PCDH15: variants seen among roughly 807,000 people sequenced by gnomAD.
PCDH15 encodes the protein protocadherin-15.
In PCDH15, 129 loss-of-function variants were observed where a neutral mutation model predicts 178.5. The observed-to-expected ratio is 0.72, with a 90% CI of 0.63 to 0.84. The LOEUF is 0.84. PCDH15 is among the 40% of genes least tolerant of loss of function. The probability of loss-of-function intolerance (pLI) is 0.00; values close to 1 mark genes in which losing one functional copy is unlikely to be tolerated. For synonymous variants in PCDH15, 800 were observed against 732.0 expected (o/e 1.09, Z -1.50); for missense variants, 2,230 against 2,099.9 (o/e 1.06, Z -1.21).
At position 54,775,029 on chromosome 10, in the gene PCDH15, T is replaced by A. The variant is rs12218169; in HGVS notation, c.-29+25896A>T. Among the ~76,000 whole-genome samples the A allele has an allele frequency of 4.6e-3, 707 of 152,298 alleles. 16 individuals are homozygous for A. The East Asian group carries it at 0.055, about 12-fold the overall frequency. ...AGACAATTAGACTGTTTTATATCAATGTATTATTAAACTTGATTGCACTTA... is the reference window on the plus strand; with the variant it reads ...AGACAATTAGACTGTTTTATATCAAAGTATTATTAAACTTGATTGCACTTA... On this transcript the variant is annotated intron_variant, in intron 1 of 37. Transcript: ENST00000644397.
chr10:54,502,203 A>G lies in PCDH15; in HGVS notation c.157+25609T>C, dbSNP rs143473108. ...ATTTCCTCACTTGTAAAATGAGGAT[A>G]AGCATAGGCCCTACATTTGAGGTTT... On this transcript the variant is annotated intron_variant, in intron 3 of 37. Coordinates refer to ENST00000644397, the MANE Select transcript of PCDH15 (RefSeq NM_001384140.1). Among the ~76,000 whole-genome samples the G allele has an allele frequency of 2.0e-5, 3 of 152,264 alleles. No individual in the cohort carries two copies. In the East Asian group the frequency reaches 5.8e-4, roughly 29 times the overall value.
At chr10:53,983,040 T>C (rs12412113) in intron 21 of PCDH15, among the ~76,000 whole-genome samples, 3 of 151,854 alleles carry the variant, frequency 2.0e-5, no homozygotes, top group Non-Finnish European at 4.4e-5. Flanking sequence ...AAACAAATAT[T>C]AAGTAATTTG....
intron 1 of PCDH15, among the ~76,000 whole-genome samples, chr10:54,749,887 G>A (rs1281688993): frequency 6.6e-6 from 1 of 152,122 alleles, no homozygotes; most frequent in Non-Finnish European, 1.5e-5. Context: ...TGGAGTATCA[G>A]ATGTAGATTA....
At chr10:55,418,381 T>C (rs1838536102) in intron 2 of PCDH15, among the ~76,000 whole-genome samples, 1 of 151,776 alleles carries the variant, frequency 6.6e-6, no homozygotes, top group Admixed American at 6.6e-5. Flanking sequence ...CTCTATGGCA[T>C]ATAATTGGAA....
chr10:55,541,188 A>G (rs1841751904), intron 2 of PCDH15, among the ~76,000 whole-genome samples: 1 of 151,962 alleles, frequency 6.6e-6, no homozygotes, highest in South Asian at 2.1e-4. Flanking sequence ...TATAATTTAC[A>G]CTAATAAAGT....
At chr10:53,949,193 T>C (rs1333995668) in intron 23 of PCDH15, among the ~76,000 whole-genome samples, 1 of 152,174 alleles carries the variant, frequency 6.6e-6, no homozygotes, top group African/African-American at 2.4e-5. Flanking sequence ...AAAACTGTAA[T>C]GAAAGATTGT....
chr10:55,363,386 TA>T (rs938541034), intron 2 of PCDH15, among the ~76,000 whole-genome samples: 3 of 152,142 alleles, frequency 2.0e-5, no homozygotes, highest in African/African-American at 7.2e-5. Flanking sequence ...TAGTCACATA[TA>T]GTTTATGTGT....
intron 2 of PCDH15, among the ~76,000 whole-genome samples, chr10:55,057,802 GA>G (rs1221397741): frequency 6.6e-6 from 1 of 152,132 alleles, no homozygotes; most frequent in Non-Finnish European, 1.5e-5. Context: ...GCATTCACGA[GA>G]TTCTACTTAT....
chr10:55,018,174 G>T (rs1840229977), intron 2 of PCDH15, among the ~76,000 whole-genome samples: 1 of 152,004 alleles, frequency 6.6e-6, no homozygotes, highest in South Asian at 2.1e-4. Flanking sequence ...AATATTTTAA[G>T]ATTAATTTTG....
intron 3 of PCDH15, among the ~76,000 whole-genome samples, chr10:54,508,209 G>A (rs2081328911): frequency 6.6e-6 from 1 of 151,906 alleles, no homozygotes; most frequent in African/African-American, 2.4e-5. Context: ...AATTTTTACT[G>A]TATTTTACAC....
chr10:54,762,393 G>C (rs945560634), intron 1 of PCDH15, among the ~76,000 whole-genome samples: 1 of 152,088 alleles, frequency 6.6e-6, no homozygotes, highest in African/African-American at 2.4e-5. Flanking sequence ...AAAGTAGATT[G>C]CAATATCTCA....
intron 3 of PCDH15, among the ~76,000 whole-genome samples, chr10:54,829,381 C>T (rs1277051940): frequency 6.6e-6 from 1 of 151,984 alleles, no homozygotes; most frequent in Non-Finnish European, 1.5e-5. Context: ...AAAGGCCATA[C>T]TGGTGGAAGT....
At chr10:54,908,444 GC>G (rs1382218887) in intron 2 of PCDH15, among the ~76,000 whole-genome samples, 1 of 152,150 alleles carries the variant, frequency 6.6e-6, no homozygotes, top group African/African-American at 2.4e-5. Context: ...GGCTGTCACA[GC>G]CCTGGCCTGG....
At chr10:54,583,460 G>A (rs540702510) in intron 2 of PCDH15, among the ~76,000 whole-genome samples, 8 of 151,980 alleles carry the variant, frequency 5.3e-5, no homozygotes, top group African/African-American at 1.7e-4. Context: ...ACTAGGTGTG[G>A]GCCTGTAGAC....
intron 2 of PCDH15, among the ~76,000 whole-genome samples, chr10:55,150,621 T>C (rs2132100747): frequency 6.6e-6 from 1 of 152,308 alleles, no homozygotes; most frequent in African/African-American, 2.4e-5. Context: ...CAGCAACTTA[T>C]GTAACCATAT....
At position 54,020,223 on chromosome 10, in the gene PCDH15, G is replaced by C. The variant is rs772064912; in HGVS notation, c.2720C>G (p.Pro907Arg). Residue 907 changes from proline to arginine, a missense_variant, in exon 20 of 38, where the codon CCT becomes CGT. By Grantham distance (103) the Pro-to-Arg change is moderately radical (BLOSUM62 -2). Transcript: ENST00000644397. The stretch of plus-strand genomic sequence containing the variant: ...AATCACTGTGACAGTAGCAATACCA[G>C]GTGGCATTGTTCCATAAATATCAAA... ...EAFDIYGTMP[P>R]GIATVTVIVK... 1 of 1,613,566 alleles carries C rather than the reference G, an allele frequency of 6.2e-7. No individual in the cohort carries two copies. The highest frequency in any genetic ancestry group is 8.5e-7 in the Non-Finnish European group (1 of 1,179,660).
intron 8 of PCDH15, among the ~76,000 whole-genome samples, chr10:54,304,524 T>C (rs1339363408): frequency 2.0e-5 from 3 of 152,046 alleles, no homozygotes; most frequent in Non-Finnish European, 2.9e-5. Context: ...GTCCAAGGGA[T>C]AGGAAAAAAC....
chr10:55,349,427 T>C (rs11591955), intron 2 of PCDH15, among the ~76,000 whole-genome samples: 38,373 of 152,122 alleles, frequency 0.25, 5,912 homozygotes, highest in Admixed American at 0.35. Context: ...ATCCTGTATC[T>C]TAATGACCAT....
chr10:55,513,453 C>T (rs1840938120), intron 2 of PCDH15, among the ~76,000 whole-genome samples: 2 of 151,934 alleles, frequency 1.3e-5, no homozygotes, highest in Admixed American at 1.3e-4. Context: ...TAGAATATTA[C>T]ATCATATTAA....
Sources: gnomAD v4.1 joint callset for allele counts (sites outside exome capture counted in the v4.1 genomes callset) on GRCh38, gnomAD v4.1.1 for gene constraint, MANE v1.5 for transcripts, NCBI Gene and HGNC (gene_info 2026-07-23, HGNC 2026-07-21) for gene names.